NUCB1: variants seen among roughly 807,000 people sequenced by gnomAD.
NUCB1 encodes the protein nucleobindin-1.
NUCB1 carries 47 observed loss-of-function variants against 61.2 expected under a neutral mutation model. That is an observed-to-expected ratio of 0.77 (90% CI 0.61 to 0.98). The LOEUF (loss-of-function observed/expected upper bound fraction) is 0.98. Among genes scored for constraint, NUCB1 ranks in the 50% least tolerant of loss-of-function variants. NUCB1 has a pLI of 0.00. For synonymous variants in NUCB1, 234 were observed against 243.1 expected (o/e 0.96, Z 0.35); for missense variants, 583 against 605.3 (o/e 0.96, Z 0.39).
At chr19:48,917,188 A>C (rs1376237834) in intron 7 of NUCB1, among the ~76,000 whole-genome samples, 1 of 151,960 alleles carries the variant, frequency 6.6e-6, no homozygotes, top group African/African-American at 2.4e-5. Flanking sequence ...ACACCATTGC[A>C]CTCCAGCCTG....
rs1182117366 is a variant in NUCB1, at chr19:48,919,137, A to G, written c.909+15A>G. The G allele has an allele frequency of 6.2e-7, 1 of 1,613,740 alleles. No individual in the cohort carries two copies. ...TGATGAAGAATGTGAGGTGGGGGCC[A>G]GGCGGGGGAGAGGACGGGCCCCCAG... On this transcript the variant is annotated intron_variant, in intron 9 of 12. Coordinates refer to ENST00000405315, the MANE Select transcript of NUCB1 (RefSeq NM_006184.6).
intron 4 of NUCB1, 34 bp downstream of exon 4, chr19:48,905,919 GAGGGGT>G: frequency 8.1e-7 from 1 of 1,236,170 alleles, no homozygotes; most frequent in Non-Finnish European, 1.1e-6. Flanking sequence ...GACAGGCAGG[GAGGGGT>G]GGGGAAGGGT....
intron 4 of NUCB1, among the ~76,000 whole-genome samples, chr19:48,910,382 GT>G (rs75765929): frequency 1 from 150,489 of 150,526 alleles, 75,226 homozygotes; most frequent in Middle Eastern, 1. Context: ...AGCCTTGTTT[GT>G]TTTTTTTAAA....
intron 4 of NUCB1, among the ~76,000 whole-genome samples, chr19:48,908,527 C>G (rs1008564363): frequency 6.6e-6 from 1 of 152,146 alleles, no homozygotes; most frequent in African/African-American, 2.4e-5. Flanking sequence ...ACGTCCCTGG[C>G]ACAAATAATG....
At chr19:48,921,355 T>C in intron 11 of NUCB1, 31 bp downstream of exon 11, 1 of 1,557,582 alleles carries the variant, frequency 6.4e-7, no homozygotes, top group South Asian at 1.2e-5. Flanking sequence ...TTCCATCCAC[T>C]GAATCTCTGG....
At chr19:48,904,119 T>G (rs1282979679) in intron 2 of NUCB1, among the ~76,000 whole-genome samples, 1 of 152,074 alleles carries the variant, frequency 6.6e-6, no homozygotes, top group Non-Finnish European at 1.5e-5. Flanking sequence ...AAAAGTATGA[T>G]TCACAGCTTC....
At chr19:48,913,283 A>G in intron 6 of NUCB1, 87 bp downstream of exon 6, 1 of 1,374,008 alleles carries the variant, frequency 7.3e-7, no homozygotes, top group Non-Finnish European at 9.7e-7. Flanking sequence ...TACAATTCCC[A>G]GGGGCCCTTG....
Position 48,913,120 on chromosome 19 carries a change from A to G in NUCB1, c.590A>G (p.Glu197Gly). 6.2e-7 allele frequency: 1 copy of G among 1,613,776 alleles called. No individual in the cohort carries two copies. The highest frequency in any genetic ancestry group is 8.5e-7 in the Non-Finnish European group (1 of 1,179,990). Residue 197 changes from glutamate to glycine, a missense_variant, in exon 6 of 13, where the codon GAG (glutamate) becomes GGG (glycine). Transcript: ENST00000405315. ...CGTTATCTGGAGTCACTGGGAGAGGAGCAGAGAAAGGAGGCGGAGAGGAAG... is the reference window on the plus strand; with the variant it reads ...CGTTATCTGGAGTCACTGGGAGAGGGGCAGAGAAAGGAGGCGGAGAGGAAG... ...RRRYLESLGE[E>G]QRKEAERKLE...
intron 7 of NUCB1, among the ~76,000 whole-genome samples, chr19:48,915,837 C>A (rs1568587358): frequency 6.6e-6 from 1 of 151,474 alleles, no homozygotes; most frequent in Non-Finnish European, 1.5e-5. Flanking sequence ...TTTTTTGAGA[C>A]AGGATCTTGC....
intron 7 of NUCB1, among the ~76,000 whole-genome samples, chr19:48,913,917 T>G (rs2037508755): frequency 6.6e-6 from 1 of 151,774 alleles, no homozygotes; most frequent in South Asian, 2.1e-4. Context: ...GGTTGTTCCC[T>G]AAGAACCAGG....
At position 48,906,144 on chromosome 19, in the gene NUCB1, G is replaced by A. The variant is rs566207065; in HGVS notation, c.376+259G>A. On this transcript the variant is annotated intron_variant, in intron 4 of 12. Transcript: ENST00000405315. ...TCATGGGCTGGGCACAGTGGCCCAC[G>A]GCTGTAATCCCAGTACTTTGGGAGG... Among the ~76,000 whole-genome samples the A allele has an allele frequency of 1.7e-4, 26 of 152,216 alleles. No homozygotes were observed. The East Asian group carries it at 3.5e-3, about 20-fold the overall frequency.
intron 7 of NUCB1, among the ~76,000 whole-genome samples, chr19:48,913,792 T>C (rs2122191070): frequency 6.6e-6 from 1 of 152,216 alleles, no homozygotes; most frequent in South Asian, 2.1e-4. Flanking sequence ...CTCGGGGTTC[T>C]AAGGACAGCT....
At chr19:48,907,606 C>T (rs1343734843) in intron 4 of NUCB1, among the ~76,000 whole-genome samples, 2 of 152,126 alleles carry the variant, frequency 1.3e-5, no homozygotes, top group South Asian at 2.1e-4. Flanking sequence ...TAATCCCATC[C>T]GCCAGGACCC....
chr19:48,909,311 G>A (rs956328241), intron 4 of NUCB1, among the ~76,000 whole-genome samples: 16 of 151,016 alleles, frequency 1.1e-4, no homozygotes, highest in Non-Finnish European at 2.2e-4. Flanking sequence ...GCGGTGGCGC[G>A]ATCTCAGCTC....
In NUCB1 at chr19:48,919,036, A is replaced by G; in HGVS notation, c.823A>G (p.Lys275Glu). Residue 275 changes from lysine to glutamate, a missense_variant, in exon 9 of 13, where the codon AAA (lysine) becomes GAA (glutamate). Transcript: ENST00000405315. The part of the protein sequence containing the change: ...LEALFTKELE[K>E]VYDPKNEEDD... ...CTCTCGCTTGCTCCTGCAGCTGGAG[A>G]AAGTGTACGACCCAAAGAATGAGGA... The G allele has an allele frequency of 6.2e-7, 1 of 1,613,882 alleles. No homozygotes were observed. Among genetic ancestry groups the G allele is most frequent in the Non-Finnish European group, 8.5e-7 (1 of 1,179,940 alleles).
In NUCB1 at chr19:48,919,251, A is replaced by C; in HGVS notation, c.967A>C (p.Arg323=). 6.2e-7 allele frequency: 1 copy of C among 1,613,866 alleles called. No individual in the cohort carries two copies. Among genetic ancestry groups the C allele is most frequent in the Non-Finnish European group, 8.5e-7 (1 of 1,179,876 alleles). The change falls in exon 10 of 13, where the codon AGG becomes CGG. Residue 323 remains arginine, a synonymous_variant. Transcript: ENST00000405315. ...GGAGGAGTTCCTCGCATCCACTCAG[A>C]GGAAGGAGTTTGGGGACACCGGGGA... ...TLEEFLASTQ[R]KEFGDTGEGW... is the part of the protein sequence containing the mutation.
chr19:48,918,440 A>G lies in NUCB1; in HGVS notation c.758-286A>G, dbSNP rs552007675. On this transcript the variant is annotated intron_variant, in intron 7 of 12. Transcript: ENST00000405315. Reference sequence around the variant, plus strand: ...CTGGAGCTGACTCTGTGTCCAGAGCACTGAATGCCAGGGCCAGAGAATCCT... The same window carrying G: ...CTGGAGCTGACTCTGTGTCCAGAGCGCTGAATGCCAGGGCCAGAGAATCCT... 7.3e-4 allele frequency: 289 copies of G among 396,540 alleles called. 4 individuals are homozygous for G. The South Asian group carries it at 8.0e-3, about 11-fold the overall frequency. 24.6% of individuals were successfully genotyped at this position (396,540 alleles called of 1,614,324 possible). A position where few individuals can be genotyped will look rare whatever the true frequency, so the allele number is the denominator to read the frequency against.
Position 48,905,862 on chromosome 19 carries a change from A to G in NUCB1, c.353A>G (p.Lys118Arg). 7.3e-7 allele frequency: 1 copy of G among 1,376,894 alleles called. No individual in the cohort carries two copies. Among genetic ancestry groups the G allele is most frequent in the Non-Finnish European group, 9.7e-7 (1 of 1,029,886 alleles). 85.3% of individuals were successfully genotyped at this position (1,376,894 alleles called of 1,614,324 possible). A position where few individuals can be genotyped will look rare whatever the true frequency, so the allele number is the denominator to read the frequency against. Residue 118 changes from lysine (K) to arginine (R), a missense_variant, in exon 4 of 13, where the codon AAG (lysine) becomes AGG (arginine). Coordinates refer to ENST00000405315, the MANE Select transcript of NUCB1 (RefSeq NM_006184.6). ...VSRLRMLLKA[K>R]MDAEQDPNVQ... The stretch of plus-strand genomic sequence containing the variant: ...CGGCTGCGGATGCTGCTCAAGGCCA[A>G]GATGGACGCCGAGCAGGATCCCAGT...
At chr19:48,906,402 T>TGA (rs2037413784) in intron 4 of NUCB1, among the ~76,000 whole-genome samples, 1 of 79,560 alleles carries the variant, frequency 1.3e-5, no homozygotes, top group African/African-American at 1.0e-4. Flanking sequence ...AAACTCTGAC[T>TGA]CAAAAAAAAA....
Sources: allele counts gnomAD v4.1 joint callset (sites outside exome capture counted in the v4.1 genomes callset), GRCh38; gene constraint gnomAD v4.1.1; transcripts MANE v1.5; gene names NCBI Gene and HGNC (gene_info 2026-07-23, HGNC 2026-07-21).